Variants in DHX57 observed in about 807,000 individuals in gnomAD.
The protein encoded by DHX57 is putative ATP-dependent RNA helicase DHX57.
A neutral mutation model predicts 156.2 loss-of-function variants in DHX57; 105 were observed. The observed-to-expected ratio is 0.67, with a 90% CI of 0.57 to 0.79. The LOEUF is 0.79. Ranked by LOEUF, DHX57 falls within the 30% of genes least tolerant of loss-of-function variation. The pLI is 0.00. For synonymous variants in DHX57, 704 were observed against 595.6 expected (o/e 1.18, Z -2.65); for missense variants, 1,847 against 1,661.9 (o/e 1.11, Z -1.94).
At chr2:38,799,437 CAAAAAAAAAAA>C (rs772099726) in intron 23 of DHX57, among the ~76,000 whole-genome samples, 1 of 95,630 alleles carries the variant, frequency 1.0e-5, no homozygotes, top group African/African-American at 4.3e-5. Context: ...CTTGTTGTCT[CAAAAAAAAAAA>C]AAAAAAAAAG....
Position 38,823,148 on chromosome 2 carries a change from A to C in DHX57, c.3136T>G (p.Leu1046Val). 1 of 1,614,200 alleles carries C rather than the reference A, an allele frequency of 6.2e-7. No homozygotes were observed. Among genetic ancestry groups the C allele is most frequent in the South Asian group, 1.1e-5 (1 of 91,090 alleles). ...GGGGTCAATCTTTCATCTGGAGTTAATGCTCCTAAGTCTCGTAATCGTATT... is the reference window on the plus strand; with the variant it reads ...GGGGTCAATCTTTCATCTGGAGTTACTGCTCCTAAGTCTCGTAATCGTATT... Reference protein sequence around the residue: ...SKIRLRDLGALTPDERLTPLG... With the variant: ...SKIRLRDLGAVTPDERLTPLG... Residue 1046 changes from leucine to valine, a missense_variant, in exon 17 of 24, where the codon TTA becomes GTA. Physicochemically the swap from Leu to Val is conservative, Grantham distance 32. Coordinates refer to ENST00000457308, the MANE Select transcript of DHX57 (RefSeq NM_198963.3).
At chr2:38,806,973 C>G (rs189533283) in intron 21 of DHX57, among the ~76,000 whole-genome samples, 2 of 149,972 alleles carry the variant, frequency 1.3e-5, no homozygotes, top group Admixed American at 6.7e-5. Flanking sequence ...TATTTTGGGT[C>G]TGTACTGATG....
chr2:38,817,440 G>A (rs1670603207), intron 19 of DHX57, among the ~76,000 whole-genome samples: 1 of 151,902 alleles, frequency 6.6e-6, no homozygotes, highest in African/African-American at 2.4e-5. Flanking sequence ...TCAGCCTCCC[G>A]AGTAGCTGGG....
chr2:38,828,852 A>C (rs982944212), intron 13 of DHX57, among the ~76,000 whole-genome samples: 9 of 152,360 alleles, frequency 5.9e-5, no homozygotes, highest in Admixed American at 5.9e-4. Flanking sequence ...ATGGAGATTT[A>C]TCTTTCTATA....
intron 22 of DHX57, among the ~76,000 whole-genome samples, chr2:38,803,340 T>C (rs1669785873): frequency 6.6e-6 from 1 of 151,986 alleles, no homozygotes; most frequent in South Asian, 2.1e-4. Context: ...GATGCTCCCA[T>C]TCACCCAGCT....
chr2:38,810,485 G>A, intron 21 of DHX57: 4 of 550,514 alleles, frequency 7.3e-6, no homozygotes, highest in East Asian at 4.7e-5. Flanking sequence ...TCATCCTGAG[G>A]GAATTGATGT....
chr2:38,846,979 C>A, intron 11 of DHX57, 40 bp downstream of exon 11: 2 of 1,555,134 alleles, frequency 1.3e-6, no homozygotes, highest in Non-Finnish European at 1.8e-6. Context: ...AACCACCATG[C>A]CAGGTCCTTT....
chr2:38,857,840 AG>A (rs1323068847), intron 6 of DHX57, among the ~76,000 whole-genome samples: 1 of 152,236 alleles, frequency 6.6e-6, no homozygotes, highest in Non-Finnish European at 1.5e-5. Context: ...TCTTTGAAAC[AG>A]GGTAAAAGTC....
Position 38,863,600 on chromosome 2 carries a change from C to T in DHX57, c.225-81G>A, listed in dbSNP as rs148620781. On this transcript the variant is annotated intron_variant, in intron 2 of 23. Coordinates refer to ENST00000457308, the MANE Select transcript of DHX57 (RefSeq NM_198963.3). ...CTCTCCTCAGGGGTCCCCAGATATA[C>T]ACAATACAAACTGGATTGTCAAGTA... 1,691 of 1,307,552 alleles carry T rather than the reference C, an allele frequency of 1.3e-3. 20 individuals carry two copies. The African/African-American group carries it at 0.022, about 17-fold the overall frequency. The allele number at this position is 1,307,552 out of a possible 1,614,324, so 81.0% of individuals were successfully genotyped here. A position where few individuals can be genotyped will look rare whatever the true frequency, so the allele number is the denominator to read the frequency against.
rs753094913 is a variant in DHX57 at position 38,806,678 on chromosome 2, C to T, written c.3697G>A (p.Gly1233Arg). The stretch of plus-strand genomic sequence containing the variant: ...CCAGTACTGGTCTTCTGAAATTTTC[C>T]TTCTGGGCTTTTCACCTAAACAACA... Reference protein sequence around the residue: ...PNVVQVKSPEGKFQKTSTGAV... With the variant: ...PNVVQVKSPERKFQKTSTGAV... Residue 1233 changes from glycine (G) to arginine (R), a missense_variant, in exon 22 of 24, where the codon GGA becomes AGA. Physicochemically the swap from Gly to Arg is moderately radical, Grantham distance 125. Coordinates refer to ENST00000457308, the MANE Select transcript of DHX57 (RefSeq NM_198963.3). 1.9e-6 allele frequency: 3 copies of T among 1,613,828 alleles called. No individual in the cohort carries two copies. The highest frequency in any genetic ancestry group is 1.7e-5 in the Admixed American group (1 of 59,956).
intron 1 of DHX57, among the ~76,000 whole-genome samples, chr2:38,870,009 T>TTA (rs1284472547): frequency 6.6e-6 from 1 of 151,904 alleles, no homozygotes; most frequent in Non-Finnish European, 1.5e-5. Context: ...AGATAAAAAA[T>TTA]TATATATATA....
intron 12 of DHX57, chr2:38,838,838 C>G (rs1372808151): frequency 4.4e-6 from 2 of 453,258 alleles, no homozygotes; most frequent in African/African-American, 2.0e-5. Context: ...TAGACCCTCA[C>G]AATCTCCCCA....
intron 1 of DHX57, 55 bp from the exon 2 acceptor site, chr2:38,868,466 C>A: frequency 6.5e-7 from 1 of 1,536,570 alleles, no homozygotes; most frequent in Non-Finnish European, 8.9e-7. Context: ...GTATGATAAT[C>A]CTTTGTTTGC....
chr2:38,800,266 A>G (rs1417617012), intron 23 of DHX57, among the ~76,000 whole-genome samples: 2 of 151,772 alleles, frequency 1.3e-5, no homozygotes, highest in Non-Finnish European at 2.9e-5. Context: ...AGGCAGGAGA[A>G]TTGCTTGAAC....
At chr2:38,841,023 G>A (rs3099996) in intron 12 of DHX57, among the ~76,000 whole-genome samples, 140,331 of 152,146 alleles carry the variant, frequency 0.92, 65,841 homozygotes, top group East Asian at 1. Flanking sequence ...AGGTCTCAAT[G>A]TATTGCCCAG....
Position 38,863,106 on chromosome 2 carries a change from C to G in DHX57, c.383+255G>C, listed in dbSNP as rs561666705. On this transcript the variant is annotated intron_variant, in intron 3 of 23. Coordinates refer to ENST00000457308, the MANE Select transcript of DHX57 (RefSeq NM_198963.3). ...TTTATCTGGAAGGTTACAGATAAAT[C>G]AGTTACTGAATCCATATGAGCACTG... 58 of 376,344 alleles carry G rather than the reference C, an allele frequency of 1.5e-4. 2 individuals are homozygous for G. The South Asian group carries it at 2.7e-3, about 18-fold the overall frequency. 23.3% of individuals were successfully genotyped at this position (376,344 alleles called of 1,614,324 possible). A position where few individuals can be genotyped will look rare whatever the true frequency, so the allele number is the denominator to read the frequency against.
intron 21 of DHX57, among the ~76,000 whole-genome samples, chr2:38,809,531 A>G (rs1670130900): frequency 6.8e-6 from 1 of 146,562 alleles, no homozygotes; most frequent in South Asian, 2.1e-4. Flanking sequence ...GCGCAATTTC[A>G]GCTCACTGCA....
chr2:38,805,698 G>A (rs988852983), intron 22 of DHX57, among the ~76,000 whole-genome samples: 11 of 148,616 alleles, frequency 7.4e-5, no homozygotes, highest in African/African-American at 2.7e-4. Flanking sequence ...ATTCCACCAA[G>A]ACAGCACAGA....
intron 13 of DHX57, among the ~76,000 whole-genome samples, chr2:38,831,455 G>A (rs536863810): frequency 9.2e-5 from 14 of 151,534 alleles, no homozygotes; most frequent in South Asian, 8.3e-4. Flanking sequence ...TCAGCCTCCC[G>A]ACTAGCTGGG....
Sources: gnomAD v4.1 joint callset for allele counts (sites outside exome capture counted in the v4.1 genomes callset) on GRCh38, gnomAD v4.1.1 for gene constraint, MANE v1.5 for transcripts, NCBI Gene and HGNC (gene_info 2026-07-23, HGNC 2026-07-21) for gene names.